Variants in ERMARD observed in about 807,000 individuals in gnomAD.
ERMARD encodes the protein endoplasmic reticulum membrane-associated RNA degradation protein.
ERMARD carries 71 observed loss-of-function variants against 83.9 expected under a neutral mutation model. That is an observed-to-expected ratio of 0.85 (90% CI 0.70 to 1.03). ERMARD has a LOEUF of 1.03. Among genes scored for constraint, ERMARD ranks in the 50% least tolerant of loss-of-function variants. The probability of loss-of-function intolerance (pLI) is 0.00; values close to 1 mark genes in which losing one functional copy is unlikely to be tolerated. For missense variants in ERMARD, 838 were observed against 810.9 expected (o/e 1.03, Z -0.41); for synonymous variants, 284 against 298.6 (o/e 0.95, Z 0.50).
chr6:169,760,597 A>G (rs1257206187), intron 7 of ERMARD, 45 bp from the exon 8 acceptor site: 2 of 1,358,894 alleles, frequency 1.5e-6, no homozygotes, highest in Middle Eastern at 1.9e-4. Context: ...ATCTTTTTTC[A>G]GTTGATCAGT....
chr6:169,777,878 A>G (rs1413145568), intron 16 of ERMARD, among the ~76,000 whole-genome samples: 2 of 151,784 alleles, frequency 1.3e-5, no homozygotes, highest in African/African-American at 2.4e-5. Context: ...TGATTATGGT[A>G]GACTTTACAA....
chr6:169,762,383 A>G (rs1020495873), intron 8 of ERMARD, 46 bp from the exon 9 acceptor site: 14 of 1,563,132 alleles, frequency 9.0e-6, no homozygotes, highest in Non-Finnish European at 1.1e-5. Context: ...CCTAATATTT[A>G]TTTTTGAAAT....
chr6:169,756,624 C>A, intron 4 of ERMARD, 95 bp from the exon 5 acceptor site: 1 of 1,141,346 alleles, frequency 8.8e-7, no homozygotes, highest in African/African-American at 1.5e-5. Context: ...GTACTTTTCA[C>A]CCTTCATTTG....
chr6:169,776,226 C>T, intron 15 of ERMARD, 161 bp downstream of exon 15: 1 of 1,516,946 alleles, frequency 6.6e-7, no homozygotes, highest in Non-Finnish European at 9.0e-7. Context: ...TTTTGACAAT[C>T]TCTGTGCAAG....
At chr6:169,779,333 C>T (rs556076861) in intron 17 of ERMARD, 38 bp downstream of exon 17, 44 of 1,562,878 alleles carry the variant, frequency 2.8e-5, no homozygotes, top group East Asian at 2.2e-4. Flanking sequence ...CACATTGCAT[C>T]GTGGGGCAGA....
chr6:169,772,504 G>T (rs1031629826), intron 12 of ERMARD, among the ~76,000 whole-genome samples: 1 of 152,014 alleles, frequency 6.6e-6, no homozygotes, highest in Non-Finnish European at 1.5e-5. Context: ...AGTGGCTCAC[G>T]CCTGTAATCC....
intron 3 of ERMARD, 181 bp downstream of exon 3, chr6:169,755,603 A>G (rs1790710686): frequency 1.5e-6 from 1 of 662,620 alleles, no homozygotes; most frequent in Non-Finnish European, 2.5e-6. Flanking sequence ...GCTGAGAAAC[A>G]TGCCCCTTGG....
At position 169,764,350 on chromosome 6, in the gene ERMARD, A is replaced by C; in HGVS notation, c.960+1819A>C. Reference sequence around the variant, plus strand: ...TGCAGTCATAGCTCACTGCAGCCTCAATCCCCGGGCTCAAGCGATCCTCCC... The same window carrying C: ...TGCAGTCATAGCTCACTGCAGCCTCCATCCCCGGGCTCAAGCGATCCTCCC... On this transcript the variant is annotated intron_variant, in intron 9 of 17. Coordinates refer to ENST00000366773, the MANE Select transcript of ERMARD (RefSeq NM_018341.3). 2.7e-5 allele frequency among the ~76,000 whole-genome samples: 4 copies of C among 149,482 alleles called. 1 individual carries two copies. The Middle Eastern group carries it at 0.014, about 515-fold the overall frequency.
intron 17 of ERMARD, among the ~76,000 whole-genome samples, chr6:169,780,827 C>G (rs1239007790): frequency 1.3e-5 from 2 of 152,134 alleles, no homozygotes; most frequent in Non-Finnish European, 2.9e-5. Context: ...ATTGAAATTA[C>G]AGTGCTCTTG....
intron 8 of ERMARD, among the ~76,000 whole-genome samples, chr6:169,761,128 G>A (rs1791495563): frequency 6.6e-6 from 1 of 152,188 alleles, no homozygotes; most frequent in South Asian, 2.1e-4. Flanking sequence ...AGAAGGTCTG[G>A]TGAGCTGATC....
At chr6:169,767,818 C>T (rs1007630203) in intron 10 of ERMARD, 2 of 425,912 alleles carry the variant, frequency 4.7e-6, no homozygotes, top group African/African-American at 2.0e-5. Context: ...TGTACACACC[C>T]CCACACCACA....
intron 13 of ERMARD, among the ~76,000 whole-genome samples, chr6:169,774,819 G>T (rs112737569): frequency 6.7e-6 from 1 of 150,064 alleles, no homozygotes. Flanking sequence ...GTTGGCCAGG[G>T]GCTTCATGGG....
In ERMARD at chr6:169,761,459, G is replaced by A. The variant is rs151250196; in HGVS notation, c.857+703G>A. 9.4e-3 allele frequency among the ~76,000 whole-genome samples: 1,429 copies of A among 152,136 alleles called. 17 individuals carry two copies. Among genetic ancestry groups the A allele is most frequent in the African/African-American group, 0.032 (1,331 of 41,526 alleles). On this transcript the variant is annotated intron_variant, in intron 8 of 17. Transcript: ENST00000366773. ...CTTGAGCTCCTGGGCTCAAGTGATCGTCCTCCTGACTCAGCCTCCCGAAGT... is the reference window on the plus strand; with the variant it reads ...CTTGAGCTCCTGGGCTCAAGTGATCATCCTCCTGACTCAGCCTCCCGAAGT...
rs757825330 is a variant in ERMARD, at chr6:169,762,445, A to G, written c.874A>G (p.Ile292Val). 3.7e-6 allele frequency: 6 copies of G among 1,613,888 alleles called. No individual in the cohort carries two copies. Among genetic ancestry groups the G allele is most frequent in the Middle Eastern group, 1.6e-4 (1 of 6,084 alleles). The change falls in exon 9 of 18, where the codon ATA becomes GTA. Residue 292 changes from isoleucine to valine, a missense_variant. Coordinates refer to ENST00000366773, the MANE Select transcript of ERMARD (RefSeq NM_018341.3). ...FKSHRFADCA[I>V]LLLTQLETGL... The stretch of plus-strand genomic sequence containing the variant: ...ATTTCATAGGTTTGCTGACTGCGCC[A>G]TATTGTTGCTGACACAACTGGAGAC...
intron 11 of ERMARD, 110 bp downstream of exon 11, chr6:169,768,281 C>T: frequency 1.1e-6 from 1 of 941,190 alleles, no homozygotes; most frequent in South Asian, 1.5e-5. Flanking sequence ...AAAAATACTT[C>T]TGAAACATTG....
At chr6:169,768,193 G>A in intron 11 of ERMARD, 22 bp downstream of exon 11, 1 of 1,602,296 alleles carries the variant, frequency 6.2e-7, no homozygotes, top group Non-Finnish European at 8.5e-7. Flanking sequence ...GTATTTTCCA[G>A]GCTAATATTC....
chr6:169,757,526 T>A (rs1262858157), intron 5 of ERMARD, among the ~76,000 whole-genome samples: 2 of 152,208 alleles, frequency 1.3e-5, no homozygotes, highest in Non-Finnish European at 2.9e-5. Context: ...TTGAAACCAT[T>A]TAAACTTACA....
At chr6:169,768,630 C>T (rs1336533002) in intron 11 of ERMARD, among the ~76,000 whole-genome samples, 1 of 152,094 alleles carries the variant, frequency 6.6e-6, no homozygotes, top group Non-Finnish European at 1.5e-5. Flanking sequence ...GTGGCGGGCA[C>T]CCACCTACTC....
At chr6:169,767,588 C>CCACACATA (rs1427880518) in intron 10 of ERMARD, 5 of 162,432 alleles carry the variant, frequency 3.1e-5, no homozygotes, top group Admixed American at 1.8e-4. Context: ...CATGCACATA[C>CCACACATA]CACACATACA....
Sources: allele counts gnomAD v4.1 joint callset (sites outside exome capture counted in the v4.1 genomes callset), GRCh38; gene constraint gnomAD v4.1.1; transcripts MANE v1.5; gene names NCBI Gene and HGNC (gene_info 2026-07-23, HGNC 2026-07-21).